DSC2: variants seen among roughly 807,000 people sequenced by gnomAD.
DSC2 encodes desmocollin 2, also known as desmocollin-2.
A neutral mutation model predicts 87.6 loss-of-function variants in DSC2; 51 were observed. The ratio of observed to expected loss-of-function variants is 0.58; its 90% CI spans 0.46 to 0.74. The LOEUF is 0.74. DSC2 is among the 30% of genes least tolerant of loss of function. The pLI is 0.00. For synonymous variants in DSC2, 383 were observed against 393.2 expected (o/e 0.97, Z 0.31); for missense variants, 1,066 against 1,089.5 (o/e 0.98, Z 0.30).
chr18:31,098,583 T>G (rs529905592), intron 1 of DSC2, among the ~76,000 whole-genome samples: 31 of 146,380 alleles, frequency 2.1e-4, no homozygotes, highest in Non-Finnish European at 3.8e-4. Context: ...GCCTCCCAAG[T>G]AGATGGGATT....
rs1057005595 is a variant in DSC2, at chr18:31,061,689, T to C, written c.*6326A>G. On this transcript the variant is annotated 3_prime_UTR_variant, in exon 16 of 16. Coordinates refer to ENST00000280904, the MANE Select transcript of DSC2 (RefSeq NM_024422.6). ...TTTTGTTTTACCTTAAGACTCTATA[T>C]TGCATGTCTTATTTGAAATATCTAA... 56 of 152,204 alleles carry C rather than the reference T, an allele frequency of 3.7e-4. No homozygotes were observed. Among genetic ancestry groups the C allele is most frequent in the African/African-American group, 1.4e-3 (56 of 41,464 alleles). The allele number at this position is 152,204 out of a possible 1,614,324, so 9.4% of individuals were successfully genotyped here. A position where few individuals can be genotyped will look rare whatever the true frequency, so the allele number is the denominator to read the frequency against.
chr18:31,089,349 A>G (rs1987512232), intron 5 of DSC2, 90 bp downstream of exon 5: 1 of 1,496,150 alleles, frequency 6.7e-7, no homozygotes, highest in Non-Finnish European at 9.3e-7. Context: ...ACAAACTCAG[A>G]AAGCAGAAAA....
At chr18:31,084,639 G>A (rs1272982606) in intron 7 of DSC2, among the ~76,000 whole-genome samples, 1 of 150,496 alleles carries the variant, frequency 6.6e-6, no homozygotes, top group Middle Eastern at 3.2e-3. Context: ...TTTGATTTAG[G>A]AGCTGAACAA....
intron 12 of DSC2, among the ~76,000 whole-genome samples, chr18:31,072,562 C>T (rs970657050): frequency 6.6e-6 from 1 of 152,102 alleles, no homozygotes; most frequent in African/African-American, 2.4e-5. Flanking sequence ...GTGAGACACA[C>T]GTCTCTCAAA....
chr18:31,102,030 G>C lies in DSC2; in HGVS notation c.-59C>G, dbSNP rs1434486523. On this transcript the variant is annotated 5_prime_UTR_variant, in exon 1 of 16. Coordinates refer to ENST00000280904, the MANE Select transcript of DSC2 (RefSeq NM_024422.6). ...TCGGGCCGGGGTAGGAGGGCTCCGC[G>C]GGGCGAGGGCCGCGGCCGGAGCGCA... 2.2e-6 allele frequency: 3 copies of C among 1,360,058 alleles called. No homozygotes were observed. In the South Asian group the frequency reaches 4.9e-5, roughly 22 times the overall value. The allele number at this position is 1,360,058 out of a possible 1,614,324, so 84.2% of individuals were successfully genotyped here.
intron 12 of DSC2, among the ~76,000 whole-genome samples, chr18:31,074,226 CA>C (rs1439961377): frequency 6.6e-6 from 1 of 152,198 alleles, no homozygotes; most frequent in Non-Finnish European, 1.5e-5. Flanking sequence ...TGATCCCAAG[CA>C]AATTCCTTAG....
intron 2 of DSC2, among the ~76,000 whole-genome samples, 173 bp from the exon 3 acceptor site, chr18:31,092,473 T>C (rs770735674): frequency 2.6e-5 from 4 of 152,226 alleles, no homozygotes; most frequent in Non-Finnish European, 5.9e-5. Context: ...CTTAAATACT[T>C]ACATCACTTC....
intron 8 of DSC2, 47 bp downstream of exon 8, chr18:31,082,879 T>C (rs1409226286): frequency 6.2e-7 from 1 of 1,600,970 alleles, no homozygotes; most frequent in African/African-American, 1.3e-5. Flanking sequence ...TATTAAACAA[T>C]TAAAACTGGT....
chr18:31,082,142 A>T, intron 9 of DSC2, 96 bp downstream of exon 9: 2 of 1,184,230 alleles, frequency 1.7e-6, no homozygotes, highest in South Asian at 1.4e-5. Flanking sequence ...TACCTATTTT[A>T]TTCTACATTT....
chr18:31,086,889 C>T, intron 6 of DSC2, 147 bp from the exon 7 acceptor site: 2 of 789,588 alleles, frequency 2.5e-6, no homozygotes, highest in Non-Finnish European at 4.1e-6. Context: ...GCAGACCTCT[C>T]CATACAGTAT....
chr18:31,063,807 A>G lies in DSC2; in HGVS notation c.*4208T>C, dbSNP rs1231074771. On this transcript the variant is annotated 3_prime_UTR_variant, in exon 16 of 16. Coordinates refer to ENST00000280904, the MANE Select transcript of DSC2 (RefSeq NM_024422.6). ...GCTGTTTTGATTTGTAATATTTTCA[A>G]TTTACCATGGGTTTATCAGGATGTA... is the stretch of plus-strand genomic sequence containing the variant. 1 of 152,202 alleles carries G rather than the reference A, an allele frequency of 6.6e-6. No homozygotes were observed. The highest frequency in any genetic ancestry group is 1.5e-5 in the Non-Finnish European group (1 of 68,040). The allele number at this position is 152,202 out of a possible 1,614,324, so 9.4% of individuals were successfully genotyped here.
Position 31,083,068 on chromosome 18 carries a change from CA to C in DSC2, c.943-9del, listed in dbSNP as rs1987283946. On this transcript the variant is annotated splice_polypyrimidine_tract_variant and intron_variant, in intron 7 of 15. Transcript: ENST00000280904. ...CTGGTACTTGTCAATTAACTGAAAA[CA>C]AAAAAAGAATTTAATTATTGGGGGA... 1.9e-6 allele frequency: 3 copies of C among 1,607,978 alleles called. No homozygotes were observed. Among genetic ancestry groups the C allele is most frequent in the African/African-American group, 1.3e-5 (1 of 74,624 alleles).
rs957296126 is a variant in DSC2, at chr18:31,065,105, A to G, written c.*2910T>C. On this transcript the variant is annotated 3_prime_UTR_variant, in exon 16 of 16. Coordinates refer to ENST00000280904, the MANE Select transcript of DSC2 (RefSeq NM_024422.6). Reference sequence around the variant, plus strand: ...TACCTGCCTTTTCAGTTAAGCATCAAGATTTATCACACTGACTTCTGGCTA... The same window carrying G: ...TACCTGCCTTTTCAGTTAAGCATCAGGATTTATCACACTGACTTCTGGCTA... The G allele has an allele frequency of 1.3e-5, 2 of 152,204 alleles. No homozygotes were observed. 9.4% of individuals were successfully genotyped at this position (152,204 alleles called of 1,614,324 possible). A position where few individuals can be genotyped will look rare whatever the true frequency, so the allele number is the denominator to read the frequency against.
chr18:31,087,751 G>T lies in DSC2; in HGVS notation c.693C>A (p.Ile231=), dbSNP rs776727405. The T allele has an allele frequency of 6.2e-7, 1 of 1,613,692 alleles. No homozygotes were observed. Among genetic ancestry groups the T allele is most frequent in the Non-Finnish European group, 8.5e-7 (1 of 1,179,728 alleles). Residue 231 remains isoleucine (I), a synonymous_variant, in exon 6 of 16, where the codon ATC becomes ATA. Transcript: ENST00000280904. ...YTPELPLPLI[I]KIEDENDNYP... ...AGTTATCATTTTCATCCTCTATTTT[G>T]ATTATTAGGGGCAGTGGAAGTTCTG... is the stretch of plus-strand genomic sequence containing the variant.
chr18:31,078,361 C>T (rs1342845963), intron 11 of DSC2, among the ~76,000 whole-genome samples: 4 of 152,190 alleles, frequency 2.6e-5, no homozygotes, highest in Admixed American at 2.6e-4. Flanking sequence ...CCTCATTACA[C>T]ATTTATTCTA....
At chr18:31,101,792 C>A in intron 1 of DSC2, 111 bp downstream of exon 1, 1 of 1,118,778 alleles carries the variant, frequency 8.9e-7, no homozygotes, top group Non-Finnish European at 1.2e-6. Flanking sequence ...CCCAGAGGCC[C>A]CTTCACCCCA....
In DSC2 at chr18:31,063,492, C is replaced by T. The variant is rs555668106; in HGVS notation, c.*4523G>A. On this transcript the variant is annotated 3_prime_UTR_variant, in exon 16 of 16. Transcript: ENST00000280904. ...TGCTCTAGACACACAAATGTCTAGGCGGTAGTATTTTTACTAGATCCTCAA... is the reference window on the plus strand; with the variant it reads ...TGCTCTAGACACACAAATGTCTAGGTGGTAGTATTTTTACTAGATCCTCAA... 22 of 151,848 alleles carry T rather than the reference C, an allele frequency of 1.4e-4. No individual in the cohort carries two copies. In the South Asian group the frequency reaches 1.7e-3, roughly 12 times the overall value. The allele number at this position is 151,848 out of a possible 1,614,324, so 9.4% of individuals were successfully genotyped here.
intron 11 of DSC2, among the ~76,000 whole-genome samples, chr18:31,079,378 C>T (rs934374318): frequency 2.0e-5 from 3 of 152,048 alleles, no homozygotes; most frequent in African/African-American, 2.4e-5. Flanking sequence ...CTCAGCCTCC[C>T]GAGTAGCTCG....
chr18:31,074,438 T>C (rs868456932), intron 12 of DSC2, among the ~76,000 whole-genome samples: 11 of 145,410 alleles, frequency 7.6e-5, no homozygotes, highest in Non-Finnish European at 1.7e-4. Flanking sequence ...TGTGTGTGTG[T>C]GTGTGTGTGT....
Sources: allele counts gnomAD v4.1 joint callset (sites outside exome capture counted in the v4.1 genomes callset), GRCh38; gene constraint gnomAD v4.1.1; transcripts MANE v1.5; gene names NCBI Gene and HGNC (gene_info 2026-07-23, HGNC 2026-07-21).